Variants in PIK3C3 observed in about 807,000 individuals in gnomAD.
PIK3C3 encodes the protein phosphatidylinositol 3-kinase catalytic subunit type 3.
Under a neutral mutation model 126.1 loss-of-function variants are expected in PIK3C3, and 95 were observed. The observed-to-expected ratio is 0.75, with a 90% CI of 0.64 to 0.89. PIK3C3 has a LOEUF of 0.89. Among genes scored for constraint, PIK3C3 ranks in the 40% least tolerant of loss-of-function variants. The pLI is 0.00. For missense variants in PIK3C3, 829 were observed against 1,063.2 expected (o/e 0.78, Z 3.06); for synonymous variants, 374 against 360.0 (o/e 1.04, Z -0.44).
intron 6 of PIK3C3, 32 bp from the exon 7 acceptor site, chr18:41,993,237 CT>C: frequency 2.1e-6 from 3 of 1,409,550 alleles, no homozygotes; most frequent in Non-Finnish European, 3.0e-6. Context: ...TATTAAATTT[CT>C]TTTTTTAAAA....
In PIK3C3 at chr18:42,067,408, A is replaced by G; in HGVS notation, c.2544A>G (p.Leu848=). 6.2e-7 allele frequency: 1 copy of G among 1,614,108 alleles called. No homozygotes were observed. Among genetic ancestry groups the G allele is most frequent in the South Asian group, 1.1e-5 (1 of 91,088 alleles). Residue 848 remains leucine (L), a synonymous_variant, in exon 24 of 25, where the codon TTA becomes TTG. Coordinates refer to ENST00000262039, the MANE Select transcript of PIK3C3 (RefSeq NM_002647.4). ...TVKKVQDKFR[L]DLSDEEAVHY... ...TATAGGTTCAGGATAAATTCCGCTTAGACCTGTCGGATGAAGAGGCTGTGC... is the reference window on the plus strand; with the variant it reads ...TATAGGTTCAGGATAAATTCCGCTTGGACCTGTCGGATGAAGAGGCTGTGC...
chr18:41,966,218 G>A (rs547612763), intron 3 of PIK3C3, among the ~76,000 whole-genome samples: 3 of 123,674 alleles, frequency 2.4e-5, no homozygotes, highest in East Asian at 2.4e-4. Flanking sequence ...ATTCTCTGTC[G>A]CCCTGCTGTG....
chr18:42,029,264 TAAAG>T (rs1983710615), intron 14 of PIK3C3, 57 bp from the exon 15 acceptor site: 5 of 975,368 alleles, frequency 5.1e-6, no homozygotes, highest in Non-Finnish European at 6.7e-6. Flanking sequence ...TCCATGCTGT[TAAAG>T]AAATCCAGAT....
At chr18:42,047,038 A>C (rs1479707855) in intron 20 of PIK3C3, among the ~76,000 whole-genome samples, 2 of 152,192 alleles carry the variant, frequency 1.3e-5, no homozygotes, top group African/African-American at 4.8e-5. Flanking sequence ...ATTTTGCTTT[A>C]TCGTTAGGAT....
At chr18:42,035,465 A>AC (rs1984007957) in intron 16 of PIK3C3, among the ~76,000 whole-genome samples, 3 of 152,202 alleles carry the variant, frequency 2.0e-5, no homozygotes, top group African/African-American at 4.8e-5. Flanking sequence ...ATACTCAATT[A>AC]TAAAAAATTA....
In PIK3C3 at chr18:42,075,829, G is replaced by A. The variant is rs568156898; in HGVS notation, c.2650-5294G>A. On this transcript the variant is annotated intron_variant, in intron 24 of 24. Transcript: ENST00000262039. ...AAAGTCAGCCTGTCCTTTGAAGCCA[G>A]ACTTTGACTTCTCTGTAGCATGAAA... is the stretch of plus-strand genomic sequence containing the variant. Among the ~76,000 whole-genome samples the A allele has an allele frequency of 1.4e-4, 21 of 150,180 alleles. No individual in the cohort carries two copies. In the South Asian group the frequency reaches 4.2e-3, roughly 30 times the overall value.
At chr18:42,059,099 T>C (rs1180344744) in intron 22 of PIK3C3, among the ~76,000 whole-genome samples, 1 of 152,222 alleles carries the variant, frequency 6.6e-6, no homozygotes, top group African/African-American at 2.4e-5. Flanking sequence ...GCTTTGAGTC[T>C]AGTGTGAGGC....
chr18:42,021,317 A>G (rs1186722464), intron 13 of PIK3C3, among the ~76,000 whole-genome samples: 2 of 152,186 alleles, frequency 1.3e-5, no homozygotes, highest in Non-Finnish European at 2.9e-5. Context: ...GAGAGAAACT[A>G]AGGCACGGAG....
chr18:41,959,858 T>C (rs1979990307), intron 2 of PIK3C3, among the ~76,000 whole-genome samples: 1 of 152,194 alleles, frequency 6.6e-6, no homozygotes, highest in Non-Finnish European at 1.5e-5. Context: ...CATCCTGCTC[T>C]TTAGTATTCG....
At chr18:41,999,342 T>C (rs1982173523) in intron 9 of PIK3C3, among the ~76,000 whole-genome samples, 1 of 152,200 alleles carries the variant, frequency 6.6e-6, no homozygotes, top group Non-Finnish European at 1.5e-5. Flanking sequence ...TTTTTTCTTA[T>C]AAAAATACTA....
chr18:42,017,931 T>C (rs1399818189), intron 12 of PIK3C3, among the ~76,000 whole-genome samples: 1 of 151,882 alleles, frequency 6.6e-6, no homozygotes, highest in Non-Finnish European at 1.5e-5. Flanking sequence ...TTATTGTGGT[T>C]GTAGCTGTAT....
In PIK3C3 at chr18:42,034,910, A is replaced by G. The variant is rs146393267; in HGVS notation, c.1839+953A>G. Reference sequence around the variant, plus strand: ...AAAAAGTGTGTTTCAAGGCAACCTCATATTTGGTCATGGGTTGCAGCCCAG... The same window carrying G: ...AAAAAGTGTGTTTCAAGGCAACCTCGTATTTGGTCATGGGTTGCAGCCCAG... On this transcript the variant is annotated intron_variant, in intron 16 of 24. Coordinates refer to ENST00000262039, the MANE Select transcript of PIK3C3 (RefSeq NM_002647.4). Among the ~76,000 whole-genome samples the G allele has an allele frequency of 1.9e-3, 285 of 152,342 alleles. 1 individual carries two copies. The highest frequency in any genetic ancestry group is 5.3e-4 in the Non-Finnish European group (36 of 68,036).
At chr18:42,069,077 A>G (rs2042705255) in intron 24 of PIK3C3, among the ~76,000 whole-genome samples, 1 of 152,190 alleles carries the variant, frequency 6.6e-6, no homozygotes, top group African/African-American at 2.4e-5. Flanking sequence ...CTTAAAAAAT[A>G]TTTAATGAAC....
chr18:41,959,759 A>C (rs1979984058), intron 2 of PIK3C3, among the ~76,000 whole-genome samples: 1 of 152,042 alleles, frequency 6.6e-6, no homozygotes, highest in African/African-American at 2.4e-5. Context: ...GAGCCATTGC[A>C]CTCCAGCCTG....
chr18:41,999,483 A>G (rs1362199928), intron 9 of PIK3C3, among the ~76,000 whole-genome samples: 2 of 152,172 alleles, frequency 1.3e-5, no homozygotes, highest in African/African-American at 4.8e-5. Context: ...TGACATGAGG[A>G]CAATCATCAT....
chr18:42,011,399 A>T (rs1451539624), intron 10 of PIK3C3, among the ~76,000 whole-genome samples: 2 of 152,174 alleles, frequency 1.3e-5, no homozygotes, highest in Admixed American at 1.3e-4. Flanking sequence ...CTTTTATGTT[A>T]TGGAAATGAC....
rs143644628 is a variant in PIK3C3 at position 41,968,492 on chromosome 18, A to G, written c.402-1835A>G. On this transcript the variant is annotated intron_variant, in intron 3 of 24. Coordinates refer to ENST00000262039, the MANE Select transcript of PIK3C3 (RefSeq NM_002647.4). ...TTGAGAATTTTGATTTATCACAGCT[A>G]GTCAATGCATTTTGTATGGGTCCAT... Among the ~76,000 whole-genome samples, 30 of 152,322 alleles carry G rather than the reference A, an allele frequency of 2.0e-4. No homozygotes were observed. The East Asian group carries it at 4.2e-3, about 22-fold the overall frequency.
intron 12 of PIK3C3, among the ~76,000 whole-genome samples, chr18:42,020,197 C>T (rs570911345): frequency 2.5e-4 from 38 of 152,254 alleles, no homozygotes; most frequent in African/African-American, 8.7e-4. Flanking sequence ...GTCTCACATA[C>T]TTTGACCTTT....
intron 7 of PIK3C3, among the ~76,000 whole-genome samples, chr18:41,994,909 G>A (rs935997478): frequency 2.6e-5 from 4 of 152,014 alleles, no homozygotes; most frequent in East Asian, 3.9e-4. Flanking sequence ...GTAGTGGCAC[G>A]TACCTGTAGT....
Sources: allele counts gnomAD v4.1 joint callset (sites outside exome capture counted in the v4.1 genomes callset), GRCh38; gene constraint gnomAD v4.1.1; transcripts MANE v1.5; gene names NCBI Gene and HGNC (gene_info 2026-07-23, HGNC 2026-07-21).